HLA-DOA: variants seen among roughly 807,000 people sequenced by gnomAD.
HLA-DOA encodes the protein HLA class II histocompatibility antigen, DO alpha chain.
HLA-DOA carries 27 observed loss-of-function variants against 22.9 expected under a neutral mutation model. The observed-to-expected ratio is 1.18, with a 90% confidence interval of 0.87 to 1.62. HLA-DOA has a LOEUF of 1.62. Ranked by LOEUF, HLA-DOA falls within the 40% of genes most tolerant of loss-of-function variation. HLA-DOA has a pLI of 0.00. For missense variants in HLA-DOA, 324 were observed against 332.4 expected (o/e 0.97, Z 0.20); for synonymous variants, 137 against 138.6 (o/e 0.99, Z 0.08).
chr6:33,008,018 A>T lies in HLA-DOA; in HGVS notation c.326T>A (p.Ile109Asn), dbSNP rs1422537351. The change falls in exon 2 of 5, where the codon ATC (isoleucine) becomes AAC (asparagine). Residue 109 changes from isoleucine (I) to asparagine (N), a missense_variant. By Grantham distance (149) the Ile-to-Asn change is moderately radical. Coordinates refer to ENST00000229829, the MANE Select transcript of HLA-DOA (RefSeq NM_002119.4). ...GGCAGAGGGAGGGCCGGTACCGTTG[A>T]TGGCTCTGCTGCGGTTGGAGCGCTC... Reference protein sequence around the residue: ...LVERSNRSRAINVPPRVTVLP... With the variant: ...LVERSNRSRANNVPPRVTVLP... The T allele has an allele frequency of 8.1e-6, 13 of 1,611,780 alleles. No individual in the cohort carries two copies. Among genetic ancestry groups the T allele is most frequent in the Non-Finnish European group, 1.1e-5 (13 of 1,179,282 alleles).
chr6:33,007,661 A>C, intron 2 of HLA-DOA, 69 bp from the exon 3 acceptor site: 1 of 1,519,582 alleles, frequency 6.6e-7, no homozygotes, highest in Non-Finnish European at 8.9e-7. Flanking sequence ...ACTGGGATTA[A>C]GGGACGTTCC....
chr6:33,007,646 C>G (rs758487653), intron 2 of HLA-DOA, 54 bp from the exon 3 acceptor site: 10 of 1,552,638 alleles, frequency 6.4e-6, no homozygotes, highest in Admixed American at 1.9e-5. Context: ...CAGGGCCTTA[C>G]TAGGACTGGG....
Position 33,006,621 on chromosome 6 carries a change from T to C in HLA-DOA, c.*217A>G, listed in dbSNP as rs537558088. 1 of 673,020 alleles carries C rather than the reference T, an allele frequency of 1.5e-6. No homozygotes were observed. Among genetic ancestry groups the C allele is most frequent in the African/African-American group, 1.8e-5 (1 of 56,422 alleles). The allele number at this position is 673,020 out of a possible 1,614,324, so 41.7% of individuals were successfully genotyped here. On this transcript the variant is annotated 3_prime_UTR_variant, in exon 5 of 5. Coordinates refer to ENST00000229829, the MANE Select transcript of HLA-DOA (RefSeq NM_002119.4). Reference sequence around the variant, plus strand: ...GAGCTTTGGGTAGAGCAAGAATGTGTGTGTGTGTTGAATGGGAAGGGAAGC... The same window carrying C: ...GAGCTTTGGGTAGAGCAAGAATGTGCGTGTGTGTTGAATGGGAAGGGAAGC...
At chr6:33,007,726 A>C in intron 2 of HLA-DOA, 134 bp from the exon 3 acceptor site, 2 of 1,077,818 alleles carry the variant, frequency 1.9e-6, no homozygotes, top group East Asian at 2.5e-5. Flanking sequence ...CTGGGGCAGG[A>C]GAGGAGGAAA....
In HLA-DOA at chr6:33,008,054, T is replaced by C. The variant is rs1780900654; in HGVS notation, c.290A>G (p.Asp97Gly). 1.2e-6 allele frequency: 2 copies of C among 1,613,010 alleles called. No individual in the cohort carries two copies. Among genetic ancestry groups the C allele is most frequent in the African/African-American group, 2.7e-5 (2 of 75,036 alleles). The change falls in exon 2 of 5, where the codon GAC (aspartate) becomes GGC (glycine). Residue 97 changes from aspartate (D) to glycine (G), a missense_variant. Asp to Gly is a moderately conservative substitution (Grantham distance 94). Transcript: ENST00000229829. ...GCGGTTGGAGCGCTCCACCAGGATGTCCAGATGGGCTTTGATTGCGGCGAT... is the reference window on the plus strand; with the variant it reads ...GCGGTTGGAGCGCTCCACCAGGATGCCCAGATGGGCTTTGATTGCGGCGAT... Reference protein sequence around the residue: ...AGIAAIKAHLDILVERSNRSR... With the variant: ...AGIAAIKAHLGILVERSNRSR...
At chr6:33,006,887 T>C in intron 4 of HLA-DOA, 46 bp from the exon 5 acceptor site, 2 of 1,539,188 alleles carry the variant, frequency 1.3e-6, no homozygotes, top group Non-Finnish European at 1.8e-6. Context: ...AATTTCAATA[T>C]GCTGGGATCC....
In HLA-DOA at chr6:33,007,359, A is replaced by G. The variant is rs371290909; in HGVS notation, c.565T>C (p.Cys189Arg). The G allele has an allele frequency of 5.6e-6, 9 of 1,609,862 alleles. No homozygotes were observed. In the Admixed American group the frequency reaches 8.4e-5, roughly 15 times the overall value. The change falls in exon 3 of 5, where the codon TGC (cysteine) becomes CGC (arginine). Residue 189 changes from cysteine (C) to arginine (R), a missense_variant. By Grantham distance (180) the Cys-to-Arg change is radical. Coordinates refer to ENST00000229829, the MANE Select transcript of HLA-DOA (RefSeq NM_002119.4). ...FVPSAEDVYD[C>R]QVEHWGLDAP... ...TCCAGGCCCCAGTGCTCCACCTGGC[A>G]GTCATAGACGTCCTCGGCTGAGGGC...
rs41542323 is a variant in HLA-DOA at position 33,008,049 on chromosome 6, G to C, written c.295C>G (p.Leu99Val). ...IAAIKAHLDI[L>V]VERSNRSRAI... ...CTGCTGCGGTTGGAGCGCTCCACCA[G>C]GATGTCCAGATGGGCTTTGATTGCG... Residue 99 changes from leucine (L) to valine (V), a missense_variant, in exon 2 of 5, where the codon CTG becomes GTG. Physicochemically the swap from Leu to Val is conservative, Grantham distance 32. Transcript: ENST00000229829. 1 of 1,613,022 alleles carries C rather than the reference G, an allele frequency of 6.2e-7. No individual in the cohort carries two copies. Among genetic ancestry groups the C allele is most frequent in the East Asian group, 2.2e-5 (1 of 44,882 alleles).
intron 2 of HLA-DOA, 97 bp from the exon 3 acceptor site, chr6:33,007,689 T>C (rs904347637): frequency 2.7e-5 from 38 of 1,390,776 alleles, no homozygotes; most frequent in Non-Finnish European, 3.6e-5. Context: ...TAGCCATCTG[T>C]GGGCAGGGGA....
rs592625 is a variant in HLA-DOA at position 33,004,913 on chromosome 6, T to C, written c.*1925A>G. On this transcript the variant is annotated 3_prime_UTR_variant, in exon 5 of 5. Coordinates refer to ENST00000229829, the MANE Select transcript of HLA-DOA (RefSeq NM_002119.4). ...TCTGGTCATTGATTTCAACTTATTCTCTCTTAAGAAGCCCATTGAGTCCCC... is the reference window on the plus strand; with the variant it reads ...TCTGGTCATTGATTTCAACTTATTCCCTCTTAAGAAGCCCATTGAGTCCCC... The C allele has an allele frequency of 0.15, 22,697 of 152,260 alleles. 1,897 individuals carry two copies. The highest frequency in any genetic ancestry group is 0.29 in the South Asian group (1,415 of 4,826). The allele number at this position is 152,260 out of a possible 1,614,324, so 9.4% of individuals were successfully genotyped here.
rs1352337682 is a variant in HLA-DOA at position 33,007,768 on chromosome 6, G to A, written c.332-176C>T. On this transcript the variant is annotated intron_variant, in intron 2 of 4. Transcript: ENST00000229829. The stretch of plus-strand genomic sequence containing the variant: ...GGAGAGGAGACTGGGGAGGGAGTGG[G>A]GACGCCAGGAGCTCCTATATTTGAC... 3 of 840,020 alleles carry A rather than the reference G, an allele frequency of 3.6e-6. No homozygotes were observed. The African/African-American group carries it at 5.2e-5, about 14-fold the overall frequency. The allele number at this position is 840,020 out of a possible 1,614,324, so 52.0% of individuals were successfully genotyped here.
At position 33,009,202 on chromosome 6, in the gene HLA-DOA, GAGGA is replaced by G. The variant is rs1780962723; in HGVS notation, c.82+249_82+252del. 6.6e-6 allele frequency among the ~76,000 whole-genome samples: 1 copy of G among 151,972 alleles called. No homozygotes were observed. ...GGGTGGAGGTTTGGGTCTCAGGAAG[GAGGA>G]AGGAATGAGGAGAAATCTGAACGTC... On this transcript the variant is annotated intron_variant, in intron 1 of 4. Transcript: ENST00000229829. This position sits in a 1 kb window ranked among gnomAD's most constrained non-coding sequence, Gnocchi z 4.8.
In HLA-DOA at chr6:33,007,387, G is replaced by A. The variant is rs764096676; in HGVS notation, c.537C>T (p.Phe179=). The change falls in exon 3 of 5, where the codon TTC becomes TTT. Residue 179 remains phenylalanine (F), a synonymous_variant. Coordinates refer to ENST00000229829, the MANE Select transcript of HLA-DOA (RefSeq NM_002119.4). ...CATAGACGTCCTCGGCTGAGGGCAC[G>A]AAGGGCAGGTAGTGGAACTTGCGGA... is the stretch of plus-strand genomic sequence containing the variant. ...HLFRKFHYLP[F]VPSAEDVYDC... is the part of the protein sequence containing the mutation. 1.5e-5 allele frequency: 24 copies of A among 1,605,464 alleles called. No individual in the cohort carries two copies. Among genetic ancestry groups the A allele is most frequent in the Admixed American group, 5.0e-5 (3 of 59,714 alleles).
rs1484890260 is a variant in HLA-DOA, at chr6:33,007,109, G to C, written c.720C>G (p.Ile240Met). Reference sequence around the variant, plus strand: ...GGACACTGGACACATATGTGCCCATGATGATGAGGACGGTGCCCACGAGGA... The same window carrying C: ...GGACACTGGACACATATGTGCCCATCATGATGAGGACGGTGCCCACGAGGA... ...VGFLVGTVLI[I>M]MGTYVSSVPR Residue 240 changes from isoleucine (I) to methionine (M), a missense_variant, in exon 4 of 5, where the codon ATC becomes ATG. By Grantham distance (10) the Ile-to-Met change is conservative. Transcript: ENST00000229829. 1.9e-6 allele frequency: 3 copies of C among 1,613,684 alleles called. No individual in the cohort carries two copies. The South Asian group carries it at 3.3e-5, about 18-fold the overall frequency.
chr6:33,006,719 TC>T lies in HLA-DOA; in HGVS notation c.*118del. 6.5e-7 allele frequency: 1 copy of T among 1,547,062 alleles called. No homozygotes were observed. The highest frequency in any genetic ancestry group is 8.9e-7 in the Non-Finnish European group (1 of 1,120,648). On this transcript the variant is annotated 3_prime_UTR_variant, in exon 5 of 5. Coordinates refer to ENST00000229829, the MANE Select transcript of HLA-DOA (RefSeq NM_002119.4). ...AGGGGACCCGTAGGACAGATGTTGA[TC>T]CCACTCAAAGTCAGCACAGCGGGAT...
chr6:33,007,157 G>C lies in HLA-DOA; in HGVS notation c.672C>G (p.Gly224=), dbSNP rs378352. Residue 224 remains glycine (G), a synonymous_variant, in exon 4 of 5, where the codon GGC becomes GGG. Transcript: ENST00000229829. ...GGAAGCCCACCAGGCCGATGGCCAG[G>C]CCCAGGGCACAGACCAGGGTCTCCA... is the stretch of plus-strand genomic sequence containing the variant. ...DAMETLVCAL[G]LAIGLVGFLV... The C allele has an allele frequency of 6.2e-7, 1 of 1,613,604 alleles. No homozygotes were observed. Among genetic ancestry groups the C allele is most frequent in the African/African-American group, 1.3e-5 (1 of 74,924 alleles).
At chr6:33,007,989 G>C (rs749908935) in intron 2 of HLA-DOA, 24 bp downstream of exon 2, 3 of 1,601,452 alleles carry the variant, frequency 1.9e-6, no homozygotes, top group African/African-American at 2.7e-5. Flanking sequence ...CGCCTGACTG[G>C]GTGGGCAGAG....
chr6:33,006,850 G>A lies in HLA-DOA; in HGVS notation c.750-9C>T. On this transcript the variant is annotated splice_polypyrimidine_tract_variant and intron_variant, in intron 4 of 4. Coordinates refer to ENST00000229829, the MANE Select transcript of HLA-DOA (RefSeq NM_002119.4). ...CTCAGAAGGATCATTACCTAAAATA[G>A]CAGAAAACATACGATCGAGGTTGCT... 2 of 1,606,092 alleles carry A rather than the reference G, an allele frequency of 1.2e-6. No individual in the cohort carries two copies. The highest frequency in any genetic ancestry group is 1.7e-6 in the Non-Finnish European group (2 of 1,173,702).
chr6:33,009,430 G>A lies in HLA-DOA; in HGVS notation c.82+25C>T, dbSNP rs748371104. ...ACTCCGTAAATCTCTGCTCCCCGCC[G>A]CACCCTCCTCGCCCTCGCACTCACC... On this transcript the variant is annotated intron_variant, in intron 1 of 4. Coordinates refer to ENST00000229829, the MANE Select transcript of HLA-DOA (RefSeq NM_002119.4). This position sits in a 1 kb window ranked among gnomAD's most constrained non-coding sequence, Gnocchi z 4.8. 16 of 1,531,442 alleles carry A rather than the reference G, an allele frequency of 1.0e-5. No homozygotes were observed. The highest frequency in any genetic ancestry group is 1.2e-5 in the Non-Finnish European group (14 of 1,133,834). The allele number at this position is 1,531,442 out of a possible 1,614,324, so 94.9% of individuals were successfully genotyped here.
Sources: gnomAD v4.1 joint callset for allele counts (sites outside exome capture counted in the v4.1 genomes callset) on GRCh38, gnomAD v4.1.1 for gene constraint, Gnocchi (gnomAD v3.1) non-coding constraint, MANE v1.5 for transcripts, NCBI Gene and HGNC (gene_info 2026-07-23, HGNC 2026-07-21) for gene names.